Variants in BCAS3 observed in about 807,000 individuals in gnomAD.
The protein encoded by BCAS3 is BCAS4/BCAS3 fusion.
In BCAS3, 53 loss-of-function variants were observed where a neutral mutation model predicts 116.1. The ratio of observed to expected loss-of-function variants is 0.46; its 90% confidence interval spans 0.37 to 0.57. The LOEUF (loss-of-function observed/expected upper bound fraction) is 0.57, where lower values mean the gene tolerates loss of function less well. Ranked by LOEUF, BCAS3 falls within the 20% of genes least tolerant of loss-of-function variation. The pLI is 0.00. For missense variants in BCAS3, 917 were observed against 1,165.4 expected (o/e 0.79, Z 3.10); for synonymous variants, 391 against 408.2 (o/e 0.96, Z 0.51).
chr17:61,132,150 G>T lies in BCAS3; in HGVS notation c.2425+47586G>T, dbSNP rs986828881. Among the ~76,000 whole-genome samples, 2 of 152,038 alleles carry T rather than the reference G, an allele frequency of 1.3e-5. No individual in the cohort carries two copies. The highest frequency in any genetic ancestry group is 2.1e-4 in the South Asian group (1 of 4,824). ...CTCAGATCATTAAATCACACTTCTGGTTTTTTCCAGTGATTTTTACTAAAT... is the reference window on the plus strand; with the variant it reads ...CTCAGATCATTAAATCACACTTCTGTTTTTTTCCAGTGATTTTTACTAAAT... On this transcript the variant is annotated intron_variant, in intron 22 of 23. Coordinates refer to ENST00000407086, the MANE Select transcript of BCAS3 (RefSeq NM_017679.5). This position sits in a 1 kb window ranked among gnomAD's most constrained non-coding sequence, Gnocchi z 5.1.
chr17:60,679,933 T>C (rs2143785297), intron 2 of BCAS3, among the ~76,000 whole-genome samples: 1 of 151,910 alleles, frequency 6.6e-6, no homozygotes, highest in East Asian at 1.9e-4. Context: ...GATCAGGAGA[T>C]CGAGACCATC....
chr17:61,159,036 T>A (rs1370115212), intron 22 of BCAS3, among the ~76,000 whole-genome samples: 1 of 152,228 alleles, frequency 6.6e-6, no homozygotes, highest in Non-Finnish European at 1.5e-5. Context: ...TGTGAATCCA[T>A]ATATATTCAT....
chr17:61,219,001 G>A lies in BCAS3; in HGVS notation c.2425+134437G>A, dbSNP rs969261590. Among the ~76,000 whole-genome samples, 1 of 152,160 alleles carries A rather than the reference G, an allele frequency of 6.6e-6. No homozygotes were observed. The highest frequency in any genetic ancestry group is 2.4e-5 in the African/African-American group (1 of 41,432). On this transcript the variant is annotated intron_variant, in intron 22 of 23. Transcript: ENST00000407086. This position sits in a 1 kb window ranked among gnomAD's most constrained non-coding sequence, Gnocchi z 5.2. ...TCCCATTGTTTTCAACACAAGTAGT[G>A]TCACTTGAATCCAAAAAAGTGATCT...
chr17:61,078,848 C>A (rs1002082866), intron 21 of BCAS3, among the ~76,000 whole-genome samples: 1 of 152,054 alleles, frequency 6.6e-6, no homozygotes, highest in African/African-American at 2.4e-5. Context: ...TATTCTTTTC[C>A]TGATCTTTCT....
At chr17:60,972,278 G>A (rs1489430875) in intron 14 of BCAS3, among the ~76,000 whole-genome samples, 2 of 152,168 alleles carry the variant, frequency 1.3e-5, no homozygotes, top group East Asian at 3.9e-4. Context: ...CCATTCCAGT[G>A]TATTTTTCCT....
In BCAS3 at chr17:61,380,050, G is replaced by C. The variant is rs548796904; in HGVS notation, c.2593+11556G>C. 1 of 173,564 alleles carries C rather than the reference G, an allele frequency of 5.8e-6. No individual in the cohort carries two copies. The highest frequency in any genetic ancestry group is 1.2e-5 in the Non-Finnish European group (1 of 80,840). 10.8% of individuals were successfully genotyped at this position (173,564 alleles called of 1,614,324 possible). The stretch of plus-strand genomic sequence containing the variant: ...TATCCATCCCCGACCACTGAGAGCT[G>C]AGTAGGATCCTGTGGTTAGTGCCCT... On this transcript the variant is annotated intron_variant, in intron 23 of 23. Transcript: ENST00000407086. The surrounding 1 kb of genome is among the most constrained non-coding windows in gnomAD (Gnocchi z 4.2).
chr17:60,760,481 G>A (rs2043416124), intron 6 of BCAS3, among the ~76,000 whole-genome samples: 1 of 142,354 alleles, frequency 7.0e-6, no homozygotes, highest in Non-Finnish European at 1.5e-5. Context: ...AGTATCCTTG[G>A]GTGACAGGTT....
At chr17:60,787,326 GCT>G (rs2046365863) in intron 6 of BCAS3, among the ~76,000 whole-genome samples, 1 of 152,100 alleles carries the variant, frequency 6.6e-6, no homozygotes, top group African/African-American at 2.4e-5. Context: ...AGCTTCTACT[GCT>G]CTGTTTTCTT....
rs1375012086 is a variant in BCAS3 at position 61,034,969 on chromosome 17, T to C, written c.1762+179T>C. On this transcript the variant is annotated intron_variant, in intron 17 of 23. Transcript: ENST00000407086. This position sits in a 1 kb window ranked among gnomAD's most constrained non-coding sequence, Gnocchi z 5.0. ...CTAGTCAAGAAGAAAAACTATCCTC[T>C]CAGTATGAACGTTAATGAATTGCCC... 6.6e-6 allele frequency among the ~76,000 whole-genome samples: 1 copy of C among 152,180 alleles called. No homozygotes were observed. Among genetic ancestry groups the C allele is most frequent in the Non-Finnish European group, 1.5e-5 (1 of 68,026 alleles).
At chr17:60,997,374 T>C (rs1300292062) in intron 15 of BCAS3, among the ~76,000 whole-genome samples, 1 of 152,080 alleles carries the variant, frequency 6.6e-6, no homozygotes, top group Non-Finnish European at 1.5e-5. Flanking sequence ...TTAGTAAGAA[T>C]AGGAAAAGAC....
rs1250460340 is a variant in BCAS3, at chr17:61,315,263, C to T, written c.2426-53064C>T. Among the ~76,000 whole-genome samples, 2 of 152,010 alleles carry T rather than the reference C, an allele frequency of 1.3e-5. No homozygotes were observed. Among genetic ancestry groups the T allele is most frequent in the South Asian group, 2.1e-4 (1 of 4,816 alleles). On this transcript the variant is annotated intron_variant, in intron 22 of 23. Coordinates refer to ENST00000407086, the MANE Select transcript of BCAS3 (RefSeq NM_017679.5). The surrounding 1 kb of genome is among the most constrained non-coding windows in gnomAD (Gnocchi z 5.3). ...CCAAGTAGCTGGGATTATAGGCGCC[C>T]ACCACCACACCCGGCTAATTTTTGT...
intron 19 of BCAS3, among the ~76,000 whole-genome samples, chr17:61,042,290 T>G (rs986321561): frequency 6.6e-6 from 1 of 152,130 alleles, no homozygotes; most frequent in Non-Finnish European, 1.5e-5. Context: ...TATTGTGTTT[T>G]GTGTTGTTAT....
At chr17:61,334,664 C>CAAAAAAAAAAA (rs35400660) in intron 22 of BCAS3, among the ~76,000 whole-genome samples, 1 of 50,886 alleles carries the variant, frequency 2.0e-5, no homozygotes. Flanking sequence ...AACTCCATCT[C>CAAAAAAAAAAA]AAAAAAAAAA....
In BCAS3 at chr17:61,032,860, T is replaced by G. The variant is rs1224194625; in HGVS notation, c.1638-1806T>G. On this transcript the variant is annotated intron_variant, in intron 16 of 23. Transcript: ENST00000407086. The surrounding 1 kb of genome is among the most constrained non-coding windows in gnomAD (Gnocchi z 4.6). Reference sequence around the variant, plus strand: ...GTTGCAGGAATAATGAGAAGTGTTTTAAGAAATGTAAATGGCAGAAGAGGT... The same window carrying G: ...GTTGCAGGAATAATGAGAAGTGTTTGAAGAAATGTAAATGGCAGAAGAGGT... 6.6e-6 allele frequency among the ~76,000 whole-genome samples: 1 copy of G among 152,208 alleles called. No homozygotes were observed. The highest frequency in any genetic ancestry group is 1.5e-5 in the Non-Finnish European group (1 of 68,034).
rs1199989344 is a variant in BCAS3 at position 61,045,519 on chromosome 17, G to GA, written c.2029+4640dup. On this transcript the variant is annotated intron_variant, in intron 19 of 23. Coordinates refer to ENST00000407086, the MANE Select transcript of BCAS3 (RefSeq NM_017679.5). ...GAGCAAGATTCTGTCTCTTAAGAAAGAAAAAAAAAAAAAGGCTAGGCGCAG... is the reference window on the plus strand; with the variant it reads ...GAGCAAGATTCTGTCTCTTAAGAAAGAAAAAAAAAAAAAAGGCTAGGCGCAG... Among the ~76,000 whole-genome samples, 446 of 110,834 alleles carry GA rather than the reference G, an allele frequency of 4.0e-3. 3 individuals are homozygous for GA. The East Asian group carries it at 0.061, about 15-fold the overall frequency. 72.7% of individuals were successfully genotyped at this position (110,834 alleles called of 152,430 possible).
chr17:61,158,320 T>C (rs539912748), intron 22 of BCAS3, among the ~76,000 whole-genome samples: 14 of 152,240 alleles, frequency 9.2e-5, no homozygotes, highest in Non-Finnish European at 1.9e-4. Context: ...GTTTCAGTCA[T>C]TTTTTTAGGA....
chr17:61,122,584 T>G lies in BCAS3; in HGVS notation c.2425+38020T>G, dbSNP rs1162376174. The stretch of plus-strand genomic sequence containing the variant: ...TAGTACTCAGGAATGTGATGTGGAT[T>G]CGAGATGATCTCCACAGGATTTTGG... On this transcript the variant is annotated intron_variant, in intron 22 of 23. Coordinates refer to ENST00000407086, the MANE Select transcript of BCAS3 (RefSeq NM_017679.5). The surrounding 1 kb of genome is among the most constrained non-coding windows in gnomAD (Gnocchi z 4.6). Among the ~76,000 whole-genome samples, 1 of 152,186 alleles carries G rather than the reference T, an allele frequency of 6.6e-6. No individual in the cohort carries two copies. The highest frequency in any genetic ancestry group is 1.5e-5 in the Non-Finnish European group (1 of 68,026).
chr17:61,277,417 T>A (rs192097996), intron 22 of BCAS3, among the ~76,000 whole-genome samples: 1 of 152,150 alleles, frequency 6.6e-6, no homozygotes, highest in East Asian at 1.9e-4. Flanking sequence ...TATGAGTAAA[T>A]CTTTGTGACC....
chr17:60,936,931 G>T (rs1012835313), intron 13 of BCAS3, among the ~76,000 whole-genome samples: 40 of 152,208 alleles, frequency 2.6e-4, no homozygotes, highest in African/African-American at 9.4e-4. Flanking sequence ...TGAAGTCTTT[G>T]CCCATGCCTA....
Sources: gnomAD v4.1 joint callset for allele counts (sites outside exome capture counted in the v4.1 genomes callset) on GRCh38, gnomAD v4.1.1 for gene constraint, Gnocchi (gnomAD v3.1) non-coding constraint, MANE v1.5 for transcripts, NCBI Gene and HGNC (gene_info 2026-07-23, HGNC 2026-07-21) for gene names.